ARHGAP22: variants seen among roughly 807,000 people sequenced by gnomAD.
The protein encoded by ARHGAP22 is Rho GTPase activating protein 22.
ARHGAP22 carries 48 observed loss-of-function variants against 59.1 expected under a neutral mutation model. That is an observed-to-expected ratio of 0.81 (90% confidence interval 0.64 to 1.03). ARHGAP22 has a LOEUF of 1.03. Ranked by LOEUF, ARHGAP22 falls within the 50% of genes least tolerant of loss-of-function variation. ARHGAP22 has a pLI of 0.00. For synonymous variants in ARHGAP22, 445 were observed against 416.4 expected, an observed-to-expected ratio of 1.07 and a Z score of -0.84; for missense variants, 1,015 against 958.7, an observed-to-expected ratio of 1.06 and a Z score of -0.78.
chr10:48,583,835 C>T (rs572816004), intron 1 of ARHGAP22, among the ~76,000 whole-genome samples: 1 of 152,334 alleles, frequency 6.6e-6, no homozygotes, highest in South Asian at 2.1e-4. Flanking sequence ...TTGGTGGCTT[C>T]CTGGCAGGGC....
intron 4 of ARHGAP22, among the ~76,000 whole-genome samples, chr10:48,460,835 T>C (rs1296219225): frequency 2.0e-5 from 3 of 152,214 alleles, no homozygotes; most frequent in Non-Finnish European, 4.4e-5. Context: ...AGACAAGTGA[T>C]AAAATATGGG....
intron 1 of ARHGAP22, among the ~76,000 whole-genome samples, chr10:48,602,686 T>C (rs1460283060): frequency 6.6e-6 from 1 of 151,988 alleles, no homozygotes; most frequent in Non-Finnish European, 1.5e-5. Flanking sequence ...GCATTGGGGG[T>C]ATAATGATGT....
chr10:48,503,945 C>T (rs565854633), intron 3 of ARHGAP22, among the ~76,000 whole-genome samples: 25 of 152,358 alleles, frequency 1.6e-4, no homozygotes, highest in African/African-American at 5.3e-4. Context: ...CTATTGAGAA[C>T]GTTTTCCCCC....
intron 1 of ARHGAP22, among the ~76,000 whole-genome samples, chr10:48,600,361 A>G (rs2060309050): frequency 6.6e-6 from 1 of 152,198 alleles, no homozygotes; most frequent in Admixed American, 6.5e-5. Context: ...TGGTTGGGAG[A>G]CGAGCCAGGG....
At chr10:48,513,293 A>G (rs996804512) in intron 3 of ARHGAP22, among the ~76,000 whole-genome samples, 1 of 152,210 alleles carries the variant, frequency 6.6e-6, no homozygotes, top group African/African-American at 2.4e-5. Flanking sequence ...AACCCATGAT[A>G]TACTCCTAGA....
chr10:48,610,491 T>C (rs1396706251), intron 1 of ARHGAP22, among the ~76,000 whole-genome samples: 1 of 152,208 alleles, frequency 6.6e-6, no homozygotes, highest in Non-Finnish European at 1.5e-5. Context: ...CATAACCTTT[T>C]GTTCCAACCA....
chr10:48,656,248 C>G (rs990888320), upstream of ARHGAP22: 2 of 136,390 alleles, frequency 1.5e-5, no homozygotes, highest in Non-Finnish European at 3.0e-5. Flanking sequence ...ACGGAGCTCC[C>G]GGCTGCTCGG....
At chr10:48,573,486 C>T (rs998760564) in intron 2 of ARHGAP22, among the ~76,000 whole-genome samples, 3 of 152,216 alleles carry the variant, frequency 2.0e-5, no homozygotes, top group Admixed American at 6.5e-5. Flanking sequence ...TTACCACCCA[C>T]GAGTCTGGAC....
chr10:48,521,191 C>A (rs2053775790), intron 3 of ARHGAP22, among the ~76,000 whole-genome samples: 2 of 152,124 alleles, frequency 1.3e-5, no homozygotes, highest in South Asian at 2.1e-4. Context: ...TTGTGAAAAC[C>A]TGTCTTGCAT....
chr10:48,570,249 C>T (rs1403875736), intron 2 of ARHGAP22, among the ~76,000 whole-genome samples: 1 of 152,138 alleles, frequency 6.6e-6, no homozygotes, highest in Non-Finnish European at 1.5e-5. Context: ...TTAAAAAAGC[C>T]ACAAAGTCTC....
At chr10:48,633,042 C>T (rs1241661581) in intron 1 of ARHGAP22, among the ~76,000 whole-genome samples, 1 of 152,074 alleles carries the variant, frequency 6.6e-6, no homozygotes, top group East Asian at 1.9e-4. Context: ...TTCCCTCAGG[C>T]CTTTCCATTG....
chr10:48,463,677 C>G (rs918966667), intron 4 of ARHGAP22, among the ~76,000 whole-genome samples: 6 of 152,204 alleles, frequency 3.9e-5, no homozygotes, highest in Non-Finnish European at 7.3e-5. Flanking sequence ...GTCCCTGCTA[C>G]GTGAGCTGCC....
chr10:48,602,297 G>T (rs1001005922), intron 1 of ARHGAP22, among the ~76,000 whole-genome samples: 29 of 152,264 alleles, frequency 1.9e-4, no homozygotes, highest in African/African-American at 6.7e-4. Flanking sequence ...CCTGCTACAG[G>T]AGATGGTTAA....
intron 1 of ARHGAP22, among the ~76,000 whole-genome samples, chr10:48,637,282 G>A (rs944653046): frequency 2.6e-5 from 4 of 152,240 alleles, no homozygotes; most frequent in Non-Finnish European, 5.9e-5. Flanking sequence ...CACAATAGGT[G>A]TCATTCATCA....
intron 4 of ARHGAP22, among the ~76,000 whole-genome samples, chr10:48,478,718 G>A (rs989352546): frequency 6.6e-6 from 1 of 152,148 alleles, no homozygotes; most frequent in Admixed American, 6.5e-5. Context: ...GATAGCGACT[G>A]CACGGCTGGG....
intron 2 of ARHGAP22, among the ~76,000 whole-genome samples, chr10:48,569,490 A>G (rs1232990113): frequency 8.5e-5 from 13 of 152,240 alleles, no homozygotes; most frequent in Non-Finnish European, 1.6e-4. Context: ...CTTCTGAACA[A>G]TGAATAAAAT....
At chr10:48,626,065 A>C (rs187657756) in intron 1 of ARHGAP22, among the ~76,000 whole-genome samples, 1 of 152,154 alleles carries the variant, frequency 6.6e-6, no homozygotes, top group Non-Finnish European at 1.5e-5. Flanking sequence ...AAAAGTCTCC[A>C]TGAGAGACAT....
chr10:48,465,088 C>T (rs1385332204), intron 4 of ARHGAP22, among the ~76,000 whole-genome samples: 3 of 152,190 alleles, frequency 2.0e-5, no homozygotes, highest in African/African-American at 7.2e-5. Flanking sequence ...CAGGGCCTGC[C>T]CCCGCCTGGC....
At chr10:48,540,015 T>C (rs1240964372) in intron 3 of ARHGAP22, among the ~76,000 whole-genome samples, 1 of 152,214 alleles carries the variant, frequency 6.6e-6, no homozygotes, top group Non-Finnish European at 1.5e-5. Context: ...CAGGGTTCTG[T>C]GACTCGCTCT....
Sources: gnomAD v4.1 joint callset for allele counts (sites outside exome capture counted in the v4.1 genomes callset) on GRCh38, gnomAD v4.1.1 for gene constraint, MANE v1.5 for transcripts, NCBI Gene and HGNC (gene_info 2026-07-23, HGNC 2026-07-21) for gene names.